Variants in LGALS8 observed in about 807,000 individuals in gnomAD.
The protein encoded by LGALS8 is galectin-8.
A neutral mutation model predicts 35.9 loss-of-function variants in LGALS8; 30 were observed. The observed-to-expected ratio is 0.83, with a 90% CI of 0.62 to 1.13. The LOEUF (loss-of-function observed/expected upper bound fraction) is 1.13. LGALS8 is among the 50% of genes most tolerant of loss of function. The pLI is 0.00. For synonymous variants in LGALS8, 138 were observed against 136.1 expected (o/e 1.01, Z -0.10); for missense variants, 366 against 388.7 (o/e 0.94, Z 0.49).
intron 1 of LGALS8, chr1:236,524,555 T>TA (rs1660705873): frequency 5.1e-6 from 2 of 394,508 alleles, no homozygotes; most frequent in Non-Finnish European, 1.0e-5. Flanking sequence ...ACTGCAGTGT[T>TA]AAACATTGCA....
Position 236,544,933 on chromosome 1 carries a change from G to T in LGALS8, c.804+18G>T. 1 of 1,581,806 alleles carries T rather than the reference G, an allele frequency of 6.3e-7. No homozygotes were observed. The highest frequency in any genetic ancestry group is 1.2e-5 in the South Asian group (1 of 86,764). Reference sequence around the variant, plus strand: ...ACTTTGAGGTGAGGTTACAGTTTTTGAAAATGGGACAGCAATAAGAATCCT... The same window carrying T: ...ACTTTGAGGTGAGGTTACAGTTTTTTAAAATGGGACAGCAATAAGAATCCT... On this transcript the variant is annotated intron_variant, in intron 9 of 9. Transcript: ENST00000366584.
chr1:236,538,903 C>T lies in LGALS8; in HGVS notation c.159C>T (p.Gly53=). 6.2e-7 allele frequency: 1 copy of T among 1,612,822 alleles called. No homozygotes were observed. The highest frequency in any genetic ancestry group is 8.5e-7 in the Non-Finnish European group (1 of 1,179,862). Residue 53 remains glycine (G), a synonymous_variant, in exon 4 of 10, where the codon GGC becomes GGT. Coordinates refer to ENST00000366584, the MANE Select transcript of LGALS8 (RefSeq NM_201544.4). The stretch of plus-strand genomic sequence containing the variant: ...GATTCCAGGTGGATCTGCAGAATGG[C>T]AGCAGCATGAAACCTCGAGCCGATG... ...ADRFQVDLQN[G]SSMKPRADVA... is the part of the protein sequence containing the mutation.
chr1:236,540,832 C>T, intron 5 of LGALS8, 149 bp downstream of exon 5: 1 of 760,558 alleles, frequency 1.3e-6, no homozygotes, highest in Non-Finnish European at 2.0e-6. Context: ...ACTGTTCACA[C>T]TAGCAGAAGG....
chr1:236,524,042 C>G lies in LGALS8; in HGVS notation c.-123C>G, dbSNP rs1660656259. ...GACAAACAACCTGCTCCGTGGAGCGCCTGAAACACCAGTCTTTGGGTGAGT... is the reference window on the plus strand; with the variant it reads ...GACAAACAACCTGCTCCGTGGAGCGGCTGAAACACCAGTCTTTGGGTGAGT... On this transcript the variant is annotated 5_prime_UTR_variant, in exon 1 of 10. Transcript: ENST00000366584. The G allele has an allele frequency of 2.2e-6, 1 of 449,810 alleles. No individual in the cohort carries two copies. The highest frequency in any genetic ancestry group is 4.5e-6 in the Non-Finnish European group (1 of 224,148). The allele number at this position is 449,810 out of a possible 1,614,324, so 27.9% of individuals were successfully genotyped here. A position where few individuals can be genotyped will look rare whatever the true frequency, so the allele number is the denominator to read the frequency against.
chr1:236,540,617 G>A lies in LGALS8; in HGVS notation c.399G>A (p.Glu133=). 1 of 1,611,354 alleles carries A rather than the reference G, an allele frequency of 6.2e-7. No homozygotes were observed. The highest frequency in any genetic ancestry group is 8.5e-7 in the Non-Finnish European group (1 of 1,178,872). Residue 133 remains glutamate, a synonymous_variant, in exon 5 of 10, where the codon GAG becomes GAA. Coordinates refer to ENST00000366584, the MANE Select transcript of LGALS8 (RefSeq NM_201544.4). ...TCTATGGCCACAGGATCGGCCCAGA[G>A]AAAATAGACACTCTGGGCATTTATG... ...TLLYGHRIGP[E]KIDTLGIYGK...
At chr1:236,537,177 C>T (rs915498611) in intron 2 of LGALS8, among the ~76,000 whole-genome samples, 67 of 151,746 alleles carry the variant, frequency 4.4e-4, no homozygotes, top group Non-Finnish European at 8.7e-4. Flanking sequence ...CCACCACACC[C>T]GGCTAATTTT....
intron 6 of LGALS8, 93 bp from the exon 7 acceptor site, chr1:236,542,668 G>C (rs570668210): frequency 1.2e-4 from 169 of 1,369,346 alleles, no homozygotes; most frequent in Non-Finnish European, 1.6e-4. Context: ...CCCAGGCTCC[G>C]GCCAGGCTCA....
chr1:236,537,978 G>A lies in LGALS8; in HGVS notation c.134+393G>A, dbSNP rs530357485. ...AAAATTAACTGGCTTGGTGGTGTGCGCCTGTAGTTGTAGCTACTCAGGGGG... is the reference window on the plus strand; with the variant it reads ...AAAATTAACTGGCTTGGTGGTGTGCACCTGTAGTTGTAGCTACTCAGGGGG... On this transcript the variant is annotated intron_variant, in intron 3 of 9. Coordinates refer to ENST00000366584, the MANE Select transcript of LGALS8 (RefSeq NM_201544.4). Among the ~76,000 whole-genome samples the A allele has an allele frequency of 2.2e-3, 331 of 149,814 alleles. 1 individual carries two copies. The highest frequency in any genetic ancestry group is 6.7e-3 in the African/African-American group (276 of 40,922).
rs1661137291 is a variant in LGALS8, at chr1:236,531,419, GT to G, written c.45+5306del. On this transcript the variant is annotated intron_variant, in intron 2 of 9. Coordinates refer to ENST00000366584, the MANE Select transcript of LGALS8 (RefSeq NM_201544.4). ...GCTTACTGCAAGCTCCGCCTCCCGG[GT>G]TCACACCATTCTCCTGCCTCAGCCT... 2.0e-5 allele frequency among the ~76,000 whole-genome samples: 3 copies of G among 152,248 alleles called. No individual in the cohort carries two copies. In the South Asian group the frequency reaches 6.2e-4, roughly 32 times the overall value.
rs1327569859 is a variant in LGALS8 at position 236,552,018 on chromosome 1, G to C, written c.*3857G>C. 3.1e-6 allele frequency: 5 copies of C among 1,608,088 alleles called. No homozygotes were observed. Among genetic ancestry groups the C allele is most frequent in the Non-Finnish European group, 4.3e-6 (5 of 1,174,830 alleles). On this transcript the variant is annotated 3_prime_UTR_variant, in exon 10 of 10. Transcript: ENST00000366584. ...AATTACCTTCCATCAACTCTGCTAA[G>C]AAAGGAATGGATTCTGGTAGCAAGA...
chr1:236,551,006 A>AAG lies in LGALS8; in HGVS notation c.*2846_*2847insGA. The AAG allele has an allele frequency of 6.4e-7, 1 of 1,560,866 alleles. No individual in the cohort carries two copies. Among genetic ancestry groups the AAG allele is most frequent in the Non-Finnish European group, 8.7e-7 (1 of 1,150,756 alleles). ...TCACATTCATCTAAAAAAAAAAAAAAAAAATCAAAATTAAAATCTGAGTCA... is the reference window on the plus strand; with the variant it reads ...TCACATTCATCTAAAAAAAAAAAAAAAGAAAATCAAAATTAAAATCTGAGTCA... On this transcript the variant is annotated 3_prime_UTR_variant, in exon 10 of 10. Coordinates refer to ENST00000366584, the MANE Select transcript of LGALS8 (RefSeq NM_201544.4).
At chr1:236,543,836 T>G (rs1336579704) in intron 8 of LGALS8, among the ~76,000 whole-genome samples, 188 bp downstream of exon 8, 4 of 152,154 alleles carry the variant, frequency 2.6e-5, no homozygotes, top group African/African-American at 9.7e-5. Context: ...ACTAAGGCCG[T>G]GTTCTGACCT....
At chr1:236,530,122 G>C (rs1291593518) in intron 2 of LGALS8, among the ~76,000 whole-genome samples, 1 of 152,136 alleles carries the variant, frequency 6.6e-6, no homozygotes, top group Non-Finnish European at 1.5e-5. Context: ...AATGCTAGCT[G>C]GTTAAGAAAT....
upstream of LGALS8, among the ~76,000 whole-genome samples, chr1:236,521,407 G>A (rs116410033): frequency 2.3e-3 from 343 of 152,292 alleles, 1 homozygote; most frequent in African/African-American, 8.0e-3. Context: ...TAGCAAAGTC[G>A]CTGTGGCTGC....
At position 236,544,852 on chromosome 1, in the gene LGALS8, G is replaced by A. The variant is rs1294748279; in HGVS notation, c.741G>A (p.Glu247=). The A allele has an allele frequency of 1.2e-6, 2 of 1,613,634 alleles. No homozygotes were observed. The highest frequency in any genetic ancestry group is 1.6e-4 in the Middle Eastern group (1 of 6,082). Residue 247 remains glutamate (E), a synonymous_variant, in exon 9 of 10, where the codon GAG becomes GAA. Transcript: ENST00000366584. ...KAFVRNSFLQ[E]SWGEEERNIT... Reference sequence around the variant, plus strand: ...TTGTAAGAAATTCTTTTCTTCAGGAGTCCTGGGGAGAAGAAGAGAGAAATA... The same window carrying A: ...TTGTAAGAAATTCTTTTCTTCAGGAATCCTGGGGAGAAGAAGAGAGAAATA...
Position 236,550,559 on chromosome 1 carries a change from T to G in LGALS8, c.*2398T>G. On this transcript the variant is annotated 3_prime_UTR_variant, in exon 10 of 10. Transcript: ENST00000366584. The stretch of plus-strand genomic sequence containing the variant: ...TACTGCTGTACAGAAGAGTTAAGGC[T>G]TACAGTGCAAATGAGGCGTCAGCTT... The G allele has an allele frequency of 4.6e-6, 1 of 219,286 alleles. No homozygotes were observed. Among genetic ancestry groups the G allele is most frequent in the Non-Finnish European group, 8.9e-6 (1 of 111,820 alleles). The allele number at this position is 219,286 out of a possible 1,614,324, so 13.6% of individuals were successfully genotyped here.
chr1:236,547,874 T>TCA (rs3831006), intron 9 of LGALS8, 138 bp from the exon 10 acceptor site: 442,033 of 714,700 alleles, frequency 0.62, 140,785 homozygotes, highest in Non-Finnish European at 0.66. Flanking sequence ...GTCTTGGAAG[T>TCA]CAGAAGGAAG....
chr1:236,551,074 T>TG lies in LGALS8; in HGVS notation c.*2914dup, dbSNP rs1394298149. 2.8e-6 allele frequency: 3 copies of TG among 1,062,120 alleles called. No individual in the cohort carries two copies. The Admixed American group carries it at 7.7e-5, about 27-fold the overall frequency. The allele number at this position is 1,062,120 out of a possible 1,614,324, so 65.8% of individuals were successfully genotyped here. On this transcript the variant is annotated 3_prime_UTR_variant, in exon 10 of 10. Coordinates refer to ENST00000366584, the MANE Select transcript of LGALS8 (RefSeq NM_201544.4). The stretch of plus-strand genomic sequence containing the variant: ...CTCATTAGTTTAATTCTTAATGCCT[T>TG]GCACTTTCCGGCAATCATTCAATCA...
intron 1 of LGALS8, chr1:236,524,386 G>A (rs1660693249): frequency 2.2e-6 from 1 of 456,606 alleles, no homozygotes; most frequent in African/African-American, 2.0e-5. Flanking sequence ...ACCCCACCTG[G>A]GCTGCTTTCT....
Sources: allele counts gnomAD v4.1 joint callset (sites outside exome capture counted in the v4.1 genomes callset), GRCh38; gene constraint gnomAD v4.1.1; transcripts MANE v1.5; gene names NCBI Gene and HGNC (gene_info 2026-07-23, HGNC 2026-07-21).